GALNT13: variants seen among roughly 807,000 people sequenced by gnomAD.
GALNT13 encodes the protein polypeptide N-acetylgalactosaminyltransferase 13.
A neutral mutation model predicts 64.2 loss-of-function variants in GALNT13; 28 were observed. That is an observed-to-expected ratio of 0.44 (90% CI 0.32 to 0.60). The LOEUF (loss-of-function observed/expected upper bound fraction) is 0.60, where lower values mean the gene tolerates loss of function less well. Among genes scored for constraint, GALNT13 ranks in the 20% least tolerant of loss-of-function variants. The pLI is 0.05. For synonymous variants in GALNT13, 214 were observed against 224.6 expected (o/e 0.95, Z 0.42); for missense variants, 577 against 669.8 (o/e 0.86, Z 1.53).
At chr2:153,679,579 A>C in the GALNT13 span, among the ~76,000 whole-genome samples, 1 of 151,938 alleles carries the variant, frequency 6.6e-6, no homozygotes, top group East Asian at 1.9e-4. Flanking sequence ...CCTGTTAAAC[A>C]GAAGACATCT....
chr2:153,141,644 A>C, the GALNT13 span, among the ~76,000 whole-genome samples: 1 of 151,874 alleles, frequency 6.6e-6, no homozygotes, highest in Non-Finnish European at 1.5e-5. Context: ...TGAGGAAGAG[A>C]CTTTTGCTGC....
chr2:154,229,272 A>G (rs1366230656), intron 4 of GALNT13, among the ~76,000 whole-genome samples: 2 of 152,112 alleles, frequency 1.3e-5, no homozygotes, highest in African/African-American at 2.4e-5. Context: ...CAATAACTAC[A>G]TCTTTCTTCA....
At chr2:154,190,527 G>A (rs181582849) in intron 4 of GALNT13, among the ~76,000 whole-genome samples, 28 of 152,292 alleles carry the variant, frequency 1.8e-4, no homozygotes, top group African/African-American at 6.5e-4. Flanking sequence ...GTTTAAACAA[G>A]TTTCTTTTAA....
intron 8 of GALNT13, among the ~76,000 whole-genome samples, chr2:154,290,952 G>A (rs542965783): frequency 2.0e-5 from 3 of 152,062 alleles, no homozygotes; most frequent in Non-Finnish European, 1.5e-5. Flanking sequence ...TGGGTTCGTG[G>A]TCTCGCGGGC....
At chr2:153,879,366 GT>G (rs1686616016) in intron 1 of GALNT13, among the ~76,000 whole-genome samples, 1 of 151,356 alleles carries the variant, frequency 6.6e-6, no homozygotes, top group Admixed American at 6.6e-5. Context: ...ACGTGTGTGT[GT>G]GTGTGTGTGT....
the GALNT13 span, among the ~76,000 whole-genome samples, chr2:153,672,915 G>A: frequency 6.7e-6 from 1 of 150,330 alleles, no homozygotes; most frequent in East Asian, 2.1e-4. Context: ...TACCATCAGA[G>A]AATACTATAA....
At chr2:154,075,743 C>T (rs1700954763) in intron 3 of GALNT13, among the ~76,000 whole-genome samples, 1 of 151,612 alleles carries the variant, frequency 6.6e-6, no homozygotes, top group African/African-American at 2.4e-5. Flanking sequence ...TGTCAGTTCC[C>T]TACTGGGGTA....
chr2:154,362,016 A>C (rs1257345509), intron 9 of GALNT13, among the ~76,000 whole-genome samples: 1 of 152,072 alleles, frequency 6.6e-6, no homozygotes, highest in African/African-American at 2.4e-5. Flanking sequence ...GCTACTACTG[A>C]GCCCAGTCCC....
chr2:154,364,714 C>T (rs559380278), intron 9 of GALNT13, among the ~76,000 whole-genome samples: 3 of 151,950 alleles, frequency 2.0e-5, no homozygotes, highest in Non-Finnish European at 2.9e-5. Flanking sequence ...CTCTCTCTCC[C>T]GGGCTGGAAT....
the GALNT13 span, among the ~76,000 whole-genome samples, chr2:153,619,715 A>G: frequency 1.3e-5 from 2 of 152,146 alleles, no homozygotes; most frequent in Non-Finnish European, 2.9e-5. Context: ...CACCAGATAT[A>G]CTATTGTAAG....
intron 4 of GALNT13, among the ~76,000 whole-genome samples, chr2:154,190,819 A>G (rs1308421489): frequency 6.6e-6 from 1 of 152,178 alleles, no homozygotes; most frequent in East Asian, 1.9e-4. Flanking sequence ...GGTGAACCTA[A>G]TTTTAATAAT....
At chr2:154,243,548 T>C (rs1689613112) in intron 6 of GALNT13, among the ~76,000 whole-genome samples, 1 of 152,218 alleles carries the variant, frequency 6.6e-6, no homozygotes, top group Non-Finnish European at 1.5e-5. Context: ...ACCTTATACA[T>C]ACACATTTTG....
chr2:153,386,676 T>A, the GALNT13 span, among the ~76,000 whole-genome samples: 703 of 152,190 alleles, frequency 4.6e-3, 3 homozygotes, highest in African/African-American at 0.015. Context: ...TAATCACTGC[T>A]GACAAGGCAT....
the GALNT13 span, among the ~76,000 whole-genome samples, chr2:153,194,667 C>G: frequency 3.9e-5 from 6 of 152,054 alleles, no homozygotes; most frequent in Non-Finnish European, 8.8e-5. Context: ...TTTCTTGTGT[C>G]TTTCATTGAT....
chr2:153,515,298 C>T, the GALNT13 span, among the ~76,000 whole-genome samples: 1 of 152,198 alleles, frequency 6.6e-6, no homozygotes, highest in East Asian at 1.9e-4. Flanking sequence ...TCTGCCGTAG[C>T]TCCCTCTGCT....
chr2:153,594,103 T>C, the GALNT13 span, among the ~76,000 whole-genome samples: 1 of 152,170 alleles, frequency 6.6e-6, no homozygotes, highest in African/African-American at 2.4e-5. Flanking sequence ...TGTTTACCTT[T>C]TCTTTGGTAA....
intron 3 of GALNT13, among the ~76,000 whole-genome samples, chr2:153,996,529 T>C (rs1234796852): frequency 6.6e-6 from 1 of 152,146 alleles, no homozygotes; most frequent in Non-Finnish European, 1.5e-5. Flanking sequence ...ATGGGATTTC[T>C]TTTTTGCTAT....
chr2:153,871,057 G>C (rs563922226), upstream of GALNT13, among the ~76,000 whole-genome samples: 1 of 152,248 alleles, frequency 6.6e-6, no homozygotes, highest in East Asian at 1.9e-4. Flanking sequence ...TAATGTCTGC[G>C]TCTTAGGTTT....
intron 11 of GALNT13, among the ~76,000 whole-genome samples, chr2:154,420,973 T>G (rs1163144533): frequency 1.3e-5 from 2 of 152,146 alleles, no homozygotes; most frequent in Non-Finnish European, 2.9e-5. Flanking sequence ...GTTACAGTTT[T>G]GGAATAAATT....
Sources: gnomAD v4.1 joint callset for allele counts (sites outside exome capture counted in the v4.1 genomes callset) on GRCh38, gnomAD v4.1.1 for gene constraint, MANE v1.5 for transcripts, NCBI Gene and HGNC (gene_info 2026-07-23, HGNC 2026-07-21) for gene names.